The following GTF2B variants were observed in gnomAD, a reference collection of about 807,000 sequenced individuals.
GTF2B encodes the protein transcription initiation factor IIB.
In GTF2B, 20 loss-of-function variants were observed where a neutral mutation model predicts 34.6. The ratio of observed to expected loss-of-function variants is 0.58; its 90% CI spans 0.41 to 0.84. GTF2B has a LOEUF of 0.84. Among genes scored for constraint, GTF2B ranks in the 40% least tolerant of loss-of-function variants. The pLI is 0.00. For synonymous variants in GTF2B, 142 were observed against 132.4 expected (o/e 1.07, Z -0.50); for missense variants, 237 against 393.3 (o/e 0.60, Z 3.36).
At chr1:88,855,613 A>G (rs1349765197) in intron 6 of GTF2B, among the ~76,000 whole-genome samples, 1 of 151,592 alleles carries the variant, frequency 6.6e-6, no homozygotes, top group African/African-American at 2.4e-5. Flanking sequence ...TTGGCCTCCC[A>G]AAGTGCTGGG....
chr1:88,856,278 A>AC lies in GTF2B; in HGVS notation c.817+927_817+928insG, dbSNP rs1476342474. Among the ~76,000 whole-genome samples, 795 of 131,336 alleles carry AC rather than the reference A, an allele frequency of 6.1e-3. 17 individuals carry two copies. Among genetic ancestry groups the AC allele is most frequent in the African/African-American group, 0.022 (753 of 33,582 alleles). 86.2% of individuals were successfully genotyped at this position (131,336 alleles called of 152,430 possible). On this transcript the variant is annotated intron_variant, in intron 6 of 6. Transcript: ENST00000370500. ...AGGGAGACTGTTTCAAAAACAAAAAAAAAAAAAAAAAACAAAAAAAAAAAA... is the reference window on the plus strand; with the variant it reads ...AGGGAGACTGTTTCAAAAACAAAAAACAAAAAAAAAAAACAAAAAAAAAAAA...
intron 6 of GTF2B, 76 bp downstream of exon 6, chr1:88,857,130 T>C (rs1437231516): frequency 1.5e-6 from 2 of 1,357,762 alleles, no homozygotes; most frequent in Non-Finnish European, 2.0e-6. Flanking sequence ...TTTACCCGGT[T>C]CAGACTTAAA....
At chr1:88,890,804 T>C (rs1674181163) in intron 1 of GTF2B, among the ~76,000 whole-genome samples, 1 of 152,138 alleles carries the variant, frequency 6.6e-6, no homozygotes, top group Non-Finnish European at 1.5e-5. Flanking sequence ...TTCTTAAATA[T>C]ATACTAAAAA....
At chr1:88,869,556 T>C (rs543700683) in intron 2 of GTF2B, among the ~76,000 whole-genome samples, 2 of 152,096 alleles carry the variant, frequency 1.3e-5, no homozygotes, top group Non-Finnish European at 2.9e-5. Flanking sequence ...AACGGGAAAA[T>C]AATCTATGAG....
chr1:88,887,605 A>G (rs1180416189), intron 1 of GTF2B: 1 of 420,388 alleles, frequency 2.4e-6, no homozygotes, highest in East Asian at 5.1e-5. Flanking sequence ...CTTTCAAAAC[A>G]TAAATAGAAA....
At chr1:88,888,313 A>G (rs17130650) in intron 1 of GTF2B, among the ~76,000 whole-genome samples, 17,613 of 152,068 alleles carry the variant, frequency 0.12, 2,433 homozygotes, top group African/African-American at 0.33. Flanking sequence ...CTCTCAACTC[A>G]GAAGGTGATA....
Position 88,860,139 on chromosome 1 carries a change from C to T in GTF2B, c.405+1G>A, listed in dbSNP as rs1179399791. The T allele has an allele frequency of 1.2e-6, 2 of 1,613,974 alleles. No homozygotes were observed. The highest frequency in any genetic ancestry group is 1.7e-6 in the Non-Finnish European group (2 of 1,179,920). On this transcript the variant is annotated splice_donor_variant, in intron 4 of 6. Coordinates refer to ENST00000370500, the MANE Select transcript of GTF2B (RefSeq NM_001514.6). LOFTEE classifies it high-confidence loss of function. ...CTTAAAGGAGGTAGACAAGAACTTA[C>T]AACTATATTTCGAGGTAGATTGATT... is the stretch of plus-strand genomic sequence containing the variant.
chr1:88,875,500 T>C (rs956813389), intron 2 of GTF2B, among the ~76,000 whole-genome samples: 1 of 152,218 alleles, frequency 6.6e-6, no homozygotes, highest in Non-Finnish European at 1.5e-5. Context: ...GCTGATGCAC[T>C]GGTTGAAGGT....
rs556879385 is a variant in GTF2B at position 88,891,005 on chromosome 1, C to T, written c.17+478G>A. ...CATCTGGCTTACCAATGCTGACGTT[C>T]CCAACTTCCTAGCTGTCAGATCGAT... is the stretch of plus-strand genomic sequence containing the variant. On this transcript the variant is annotated intron_variant, in intron 1 of 6. Coordinates refer to ENST00000370500, the MANE Select transcript of GTF2B (RefSeq NM_001514.6). 7.3e-5 allele frequency among the ~76,000 whole-genome samples: 11 copies of T among 151,512 alleles called. No homozygotes were observed. In the South Asian group the frequency reaches 2.3e-3, roughly 32 times the overall value.
intron 1 of GTF2B, among the ~76,000 whole-genome samples, chr1:88,889,718 G>A (rs17130651): frequency 0.019 from 2,841 of 152,222 alleles, 84 homozygotes; most frequent in African/African-American, 0.065. Context: ...ACATGCAAAA[G>A]GTAGAAATAT....
At chr1:88,889,938 G>A (rs1357754827) in intron 1 of GTF2B, among the ~76,000 whole-genome samples, 2 of 152,102 alleles carry the variant, frequency 1.3e-5, no homozygotes, top group African/African-American at 4.8e-5. Flanking sequence ...TACTCAGAAG[G>A]CTGAGGTGGG....
chr1:88,855,285 A>T (rs1673276405), intron 6 of GTF2B, among the ~76,000 whole-genome samples: 1 of 151,772 alleles, frequency 6.6e-6, no homozygotes, highest in South Asian at 2.1e-4. Context: ...TTTTCAACAT[A>T]TAGCCTAAGC....
chr1:88,856,157 T>C (rs1673298051), intron 6 of GTF2B, among the ~76,000 whole-genome samples: 1 of 151,458 alleles, frequency 6.6e-6, no homozygotes, highest in Non-Finnish European at 1.5e-5. Flanking sequence ...GTAGTCCCAG[T>C]TACTCAGGAA....
At chr1:88,880,564 C>A (rs904732558) in intron 2 of GTF2B, among the ~76,000 whole-genome samples, 5 of 152,154 alleles carry the variant, frequency 3.3e-5, no homozygotes, top group Admixed American at 1.3e-4. Context: ...ATACTGGAGG[C>A]ACTGACTCCA....
chr1:88,886,718 TTCTGGA>T (rs1674076644), intron 2 of GTF2B, among the ~76,000 whole-genome samples: 1 of 152,228 alleles, frequency 6.6e-6, no homozygotes, highest in Non-Finnish European at 1.5e-5. Context: ...TTTTCGTTTC[TTCTGGA>T]TTAGCTCCCA....
intron 5 of GTF2B, among the ~76,000 whole-genome samples, chr1:88,857,785 G>A (rs1272343577): frequency 1.4e-5 from 2 of 142,340 alleles, no homozygotes; most frequent in Non-Finnish European, 3.0e-5. Context: ...AGGCTCAAGT[G>A]ATTCTCCTGC....
intron 2 of GTF2B, among the ~76,000 whole-genome samples, chr1:88,875,037 G>A (rs180776001): frequency 2.0e-5 from 3 of 152,114 alleles, no homozygotes; most frequent in Non-Finnish European, 4.4e-5. Flanking sequence ...ACTTTCTGTG[G>A]TCATATAATC....
At chr1:88,857,573 A>T (rs1673341324) in intron 5 of GTF2B, 86 bp from the exon 6 acceptor site, 1 of 670,376 alleles carries the variant, frequency 1.5e-6, no homozygotes, top group African/African-American at 1.8e-5. Flanking sequence ...TAAACATAAT[A>T]TACATTCTAA....
At chr1:88,888,670 G>A (rs1674128856) in intron 1 of GTF2B, among the ~76,000 whole-genome samples, 1 of 152,164 alleles carries the variant, frequency 6.6e-6, no homozygotes, top group Admixed American at 6.5e-5. Context: ...TTTGTGTAAT[G>A]ATACAGAAAC....
Sources: allele counts gnomAD v4.1 joint callset (sites outside exome capture counted in the v4.1 genomes callset), GRCh38; gene constraint gnomAD v4.1.1; transcripts MANE v1.5; gene names NCBI Gene and HGNC (gene_info 2026-07-23, HGNC 2026-07-21).